FAT2: variants seen among roughly 807,000 people sequenced by gnomAD.
FAT2 encodes the protein protocadherin Fat 2.
Under a neutral mutation model 295.3 loss-of-function variants are expected in FAT2, and 150 were observed. The ratio of observed to expected loss-of-function variants is 0.51; its 90% CI spans 0.44 to 0.58. FAT2 has a LOEUF of 0.58. Among genes scored for constraint, FAT2 ranks in the 20% least tolerant of loss-of-function variants. The probability of loss-of-function intolerance (pLI) is 0.00; values close to 1 mark genes in which losing one functional copy is unlikely to be tolerated. For missense variants in FAT2, 4,868 were observed against 5,442.7 expected (o/e 0.89, Z 3.32); for synonymous variants, 2,026 against 2,150.3 (o/e 0.94, Z 1.60).
chr5:151,535,668 G>A (rs550875758), intron 12 of FAT2, among the ~76,000 whole-genome samples: 25 of 152,298 alleles, frequency 1.6e-4, no homozygotes, highest in Admixed American at 1.4e-3. Context: ...AGAAGGAGTC[G>A]TGGGAGCCCC....
At chr5:151,594,463 TATTCATAACTG>T (rs544015065), upstream of FAT2, among the ~76,000 whole-genome samples, 794 of 152,360 alleles carry the variant, frequency 5.2e-3, 4 homozygotes, top group African/African-American at 0.018. Flanking sequence ...CAGGCATCAG[TATTCATAACTG>T]ATTCTGAAGC....
At chr5:151,584,276 G>A (rs1454037928) in intron 1 of FAT2, among the ~76,000 whole-genome samples, 4 of 151,964 alleles carry the variant, frequency 2.6e-5, no homozygotes, top group Non-Finnish European at 4.4e-5. Context: ...TCCCCTGCCC[G>A]GCCTGCCCAC....
In FAT2 at chr5:151,568,005, G is replaced by T. The variant is rs1758359586; in HGVS notation, c.927C>A (p.Ser309Arg). 1 of 1,614,210 alleles carries T rather than the reference G, an allele frequency of 6.2e-7. No individual in the cohort carries two copies. The highest frequency in any genetic ancestry group is 8.5e-7 in the Non-Finnish European group (1 of 1,180,034). Residue 309 changes from serine to arginine, a missense_variant, in exon 2 of 24, where the codon AGC becomes AGA. Physicochemically the swap from Ser to Arg is moderately radical, Grantham distance 110. This residue lies in a region of FAT2 where 3,297 missense variants were observed against 3,669.4 expected (regional missense o/e 0.90). Transcript: ENST00000261800. ...HFKAIKSYAR[S>R]NEFSLVSVKD... is the part of the protein sequence containing the mutation. ...TGACAGACACCAAACTGAACTCATT[G>T]CTCCGGGCATAAGACTTGATGGCTT...
At chr5:151,514,320 C>G (rs1330192506) in intron 20 of FAT2, among the ~76,000 whole-genome samples, 1 of 152,146 alleles carries the variant, frequency 6.6e-6, no homozygotes, top group African/African-American at 2.4e-5. Context: ...TTGATCCCAC[C>G]GTCTTTTCAT....
At chr5:151,519,875 C>G (rs1343692927) in intron 19 of FAT2, among the ~76,000 whole-genome samples, 1 of 152,174 alleles carries the variant, frequency 6.6e-6, no homozygotes, top group Non-Finnish European at 1.5e-5. Context: ...CTAGGACTCA[C>G]TCAGAACCTT....
rs199530327 is a variant in FAT2 at position 151,525,871 on chromosome 5, T to A, written c.10403A>T (p.Lys3468Met). ...NGPPYSFRITKGNNGSAFRVT... is the reference protein window; with the variant it reads ...NGPPYSFRITMGNNGSAFRVT... ...TCGGAAGGCAGAGCCGTTGTTCCCCTTGGTGATTCGAAACGAGTAGGGGGG... is the reference window on the plus strand; with the variant it reads ...TCGGAAGGCAGAGCCGTTGTTCCCCATGGTGATTCGAAACGAGTAGGGGGG... The change falls in exon 18 of 24, where the codon AAG (lysine) becomes ATG (methionine). Residue 3468 changes from lysine (K) to methionine (M), a missense_variant. Transcript: ENST00000261800. 1 of 1,614,062 alleles carries A rather than the reference T, an allele frequency of 6.2e-7. No individual in the cohort carries two copies. The highest frequency in any genetic ancestry group is 2.2e-5 in the East Asian group (1 of 44,888).
intron 16 of FAT2, 55 bp from the exon 17 acceptor site, chr5:151,527,432 G>T (rs755645344): frequency 6.7e-7 from 1 of 1,490,482 alleles, no homozygotes; most frequent in South Asian, 1.3e-5. Flanking sequence ...CCTCACTTCT[G>T]CCCCCTGAGT....
chr5:151,565,826 C>G lies in FAT2; in HGVS notation c.3106G>C (p.Val1036Leu), dbSNP rs540301394. The change falls in exon 2 of 24, where the codon GTG becomes CTG. Residue 1036 changes from valine (V) to leucine (L), a missense_variant. Transcript: ENST00000261800. ...TTCTCCTGCACCTGGCCCTGGTGCA[C>G]GAAGGAGGCAAAGTGGGGAGGGTGG... ...NLHPPHFASF[V>L]HQGQVQENSP... 6.2e-7 allele frequency: 1 copy of G among 1,614,016 alleles called. No individual in the cohort carries two copies. The highest frequency in any genetic ancestry group is 1.7e-5 in the Admixed American group (1 of 60,000).
chr5:151,532,770 T>C (rs547765358), intron 13 of FAT2, among the ~76,000 whole-genome samples: 1 of 152,230 alleles, frequency 6.6e-6, no homozygotes, highest in Admixed American at 6.5e-5. Flanking sequence ...ACACCAACAT[T>C]TAAGGCTCGG....
At position 151,512,640 on chromosome 5, in the gene FAT2, C is replaced by G. The variant is rs779865392; in HGVS notation, c.11464-34G>C. On this transcript the variant is annotated intron_variant, in intron 20 of 23. Coordinates refer to ENST00000261800, the MANE Select transcript of FAT2 (RefSeq NM_001447.3). This position sits in a 1 kb window ranked among gnomAD's most constrained non-coding sequence, Gnocchi z 4.1. ...GAAATCCAAACAGCCATCAGCAAAG[C>G]CAAGGAGTCCTTGTAAACCTGCTAA... 9.7e-6 allele frequency: 15 copies of G among 1,541,200 alleles called. No homozygotes were observed. In the Admixed American group the frequency reaches 1.2e-4, roughly 12 times the overall value.
intron 12 of FAT2, among the ~76,000 whole-genome samples, chr5:151,535,097 A>G (rs757896608): frequency 3.3e-5 from 5 of 151,404 alleles, no homozygotes; most frequent in Admixed American, 2.6e-4. Flanking sequence ...AAATCATCCT[A>G]TATGTCTTTC....
chr5:151,508,145 A>C (rs1049104080), intron 22 of FAT2, among the ~76,000 whole-genome samples: 20 of 152,178 alleles, frequency 1.3e-4, no homozygotes, highest in Admixed American at 4.6e-4. Context: ...CATGGTGTGA[A>C]GCTCCAGGGA....
Position 151,542,789 on chromosome 5 carries a change from A to T in FAT2, c.8338T>A (p.Leu2780Met). The change falls in exon 10 of 24, where the codon TTG (leucine) becomes ATG (methionine). Residue 2780 changes from leucine to methionine, a missense_variant. Physicochemically the swap from Leu to Met is conservative, Grantham distance 15. Coordinates refer to ENST00000261800, the MANE Select transcript of FAT2 (RefSeq NM_001447.3). Reference sequence around the variant, plus strand: ...CCCACTTGGATGTTGACAGAGACCAAGGACACCACATCAGTGTTCTGAAGG... The same window carrying T: ...CCCACTTGGATGTTGACAGAGACCATGGACACCACATCAGTGTTCTGAAGG... The part of the protein sequence containing the change: ...HCLQNTDVVS[L>M]VSVNIQVGDV... 6.2e-7 allele frequency: 1 copy of T among 1,614,220 alleles called. No individual in the cohort carries two copies. The highest frequency in any genetic ancestry group is 8.5e-7 in the Non-Finnish European group (1 of 1,180,040).
intron 9 of FAT2, among the ~76,000 whole-genome samples, chr5:151,548,373 T>A (rs1756862570): frequency 6.6e-6 from 1 of 152,108 alleles, no homozygotes; most frequent in African/African-American, 2.4e-5. Flanking sequence ...ATTAGTTGGA[T>A]ACTGGATATT....
Position 151,566,314 on chromosome 5 carries a change from C to G in FAT2, c.2618G>C (p.Gly873Ala). The change falls in exon 2 of 24, where the codon GGG becomes GCG. Residue 873 changes from glycine (G) to alanine (A), a missense_variant. Coordinates refer to ENST00000261800, the MANE Select transcript of FAT2 (RefSeq NM_001447.3). ...CAGGTGTCCTGTAACAACCAGTTCC[C>G]CAGTGAGAGGGTGGAGGGAGAACTT... ...TEKFSLHPLT[G>A]ELVVTGHLDR... 1 of 1,614,010 alleles carries G rather than the reference C, an allele frequency of 6.2e-7. No homozygotes were observed. The highest frequency in any genetic ancestry group is 8.5e-7 in the Non-Finnish European group (1 of 1,180,006).
rs754876966 is a variant in FAT2, at chr5:151,531,909, G to A, written c.9489C>T (p.Asp3163=). ...CCAGGCGGATCACCCCCGTGGTGGC[G>A]TCGATGGAAAAGTGGCCTTCGGCTG... ...PDSAEGHFSI[D]ATTGVIRLEK... is the part of the protein sequence containing the mutation. The change falls in exon 14 of 24, where the codon GAC becomes GAT. Residue 3163 remains aspartate (D), a synonymous_variant. Coordinates refer to ENST00000261800, the MANE Select transcript of FAT2 (RefSeq NM_001447.3). This position sits in a 1 kb window ranked among gnomAD's most constrained non-coding sequence, Gnocchi z 5.7. The A allele has an allele frequency of 2.5e-6, 4 of 1,614,086 alleles. No individual in the cohort carries two copies. The highest frequency in any genetic ancestry group is 2.2e-5 in the East Asian group (1 of 44,898).
chr5:151,582,949 C>T (rs1206718610), intron 1 of FAT2, among the ~76,000 whole-genome samples: 1 of 152,094 alleles, frequency 6.6e-6, no homozygotes, highest in Non-Finnish European at 1.5e-5. Context: ...AGCAACAGAT[C>T]TGAGCTTCAT....
rs780294959 is a variant in FAT2 at position 151,531,551 on chromosome 5, C to G, written c.9811+36G>C. On this transcript the variant is annotated intron_variant, in intron 14 of 23. Coordinates refer to ENST00000261800, the MANE Select transcript of FAT2 (RefSeq NM_001447.3). This position sits in a 1 kb window ranked among gnomAD's most constrained non-coding sequence, Gnocchi z 5.7. ...ACCCAGCGCTCCCAGAAACCCTGTA[C>G]GCGATGCTTTGGGGCTTGGTGGATC... The G allele has an allele frequency of 6.0e-5, 97 of 1,609,484 alleles. No individual in the cohort carries two copies. Among genetic ancestry groups the G allele is most frequent in the Non-Finnish European group, 8.1e-5 (96 of 1,178,610 alleles).
intron 15 of FAT2, among the ~76,000 whole-genome samples, chr5:151,528,742 C>T (rs942915667): frequency 5.3e-5 from 8 of 152,086 alleles, no homozygotes; most frequent in Non-Finnish European, 7.4e-5. Flanking sequence ...GGTTTCACTC[C>T]ATTGAATGAG....
Sources: allele counts gnomAD v4.1 joint callset (sites outside exome capture counted in the v4.1 genomes callset), GRCh38; gene constraint gnomAD v4.1.1; regional missense constraint gnomAD v4.1.1; non-coding constraint Gnocchi (gnomAD v3.1); transcripts MANE v1.5; gene names NCBI Gene and HGNC (gene_info 2026-07-23, HGNC 2026-07-21).